The following PHAX variants were observed in gnomAD, a reference collection of about 807,000 sequenced individuals.
PHAX encodes the protein phosphorylated adapter RNA export protein.
Under a neutral mutation model 41.6 loss-of-function variants are expected in PHAX, and 31 were observed. That is an observed-to-expected ratio of 0.75 (90% CI 0.56 to 1.01). The LOEUF (loss-of-function observed/expected upper bound fraction) is 1.01, where lower values mean the gene tolerates loss of function less well. PHAX is among the 50% of genes least tolerant of loss of function. PHAX has a pLI of 0.00. For missense variants in PHAX, 453 were observed against 472.9 expected (o/e 0.96, Z 0.39); for synonymous variants, 175 against 164.9 (o/e 1.06, Z -0.47).
At chr5:126,613,571 G>T (rs1581419783) in intron 3 of PHAX, among the ~76,000 whole-genome samples, 1 of 152,076 alleles carries the variant, frequency 6.6e-6, no homozygotes, top group Non-Finnish European at 1.5e-5. Context: ...CCAGCTACTT[G>T]GGAGGCTAAG....
chr5:126,624,696 A>G lies in PHAX; in HGVS notation c.1037A>G (p.Asp346Gly), dbSNP rs141503919. 1.9e-4 allele frequency: 301 copies of G among 1,614,110 alleles called. No homozygotes were observed. Among genetic ancestry groups the G allele is most frequent in the Non-Finnish European group, 2.5e-4 (294 of 1,180,040 alleles). The change falls in exon 5 of 5, where the codon GAT becomes GGT. Residue 346 changes from aspartate to glycine, a missense_variant. By Grantham distance (94) the Asp-to-Gly change is moderately conservative. Coordinates refer to ENST00000297540, the MANE Select transcript of PHAX (RefSeq NM_032177.4). Reference protein sequence around the residue: ...QAIKSLNFQEDDDTSRETFAS... With the variant: ...QAIKSLNFQEGDDTSRETFAS... ...ATTAAAAGTCTAAATTTTCAAGAAG[A>G]TGATGATACATCACGAGAAACTTTT...
At chr5:126,613,524 A>G (rs965706973) in intron 3 of PHAX, among the ~76,000 whole-genome samples, 1 of 152,050 alleles carries the variant, frequency 6.6e-6, no homozygotes, top group African/African-American at 2.4e-5. Flanking sequence ...AAAAAAATAC[A>G]AAAATTAGCT....
chr5:126,606,394 G>A (rs1269713035), intron 2 of PHAX, among the ~76,000 whole-genome samples: 4 of 152,056 alleles, frequency 2.6e-5, no homozygotes, highest in East Asian at 3.9e-4. Flanking sequence ...ACAGGGTTTC[G>A]CCATGTTGGC....
intron 1 of PHAX, among the ~76,000 whole-genome samples, chr5:126,601,463 A>T (rs1345675569): frequency 2.0e-5 from 3 of 152,124 alleles, no homozygotes; most frequent in Non-Finnish European, 4.4e-5. Flanking sequence ...AGGTAACCAT[A>T]AAGGGGCAGA....
chr5:126,620,331 A>G (rs1012398554), intron 4 of PHAX, among the ~76,000 whole-genome samples: 5 of 152,238 alleles, frequency 3.3e-5, no homozygotes, highest in Admixed American at 1.3e-4. Flanking sequence ...GACAAAAAGT[A>G]TGTACTTAAA....
At chr5:126,605,290 T>C (rs1312130784) in intron 2 of PHAX, among the ~76,000 whole-genome samples, 5 of 152,062 alleles carry the variant, frequency 3.3e-5, no homozygotes, top group Middle Eastern at 3.2e-3. Context: ...ACTTCCCAGA[T>C]TGCTGGGATT....
chr5:126,620,806 C>T (rs994493709), intron 4 of PHAX, among the ~76,000 whole-genome samples: 8 of 151,632 alleles, frequency 5.3e-5, no homozygotes, highest in African/African-American at 1.9e-4. Flanking sequence ...TGGACGATCT[C>T]GGCTCACTGC....
chr5:126,618,688 A>G (rs1752224623), intron 4 of PHAX, among the ~76,000 whole-genome samples: 2 of 142,562 alleles, frequency 1.4e-5, no homozygotes, highest in South Asian at 4.3e-4. Flanking sequence ...TTTTTTTGAG[A>G]TGGAGTCTTG....
Position 126,605,690 on chromosome 5 carries a change from C to T in PHAX, c.710+1507C>T, listed in dbSNP as rs367612455. On this transcript the variant is annotated intron_variant, in intron 2 of 4. Transcript: ENST00000297540. ...GGGATTATAGGCGTGAGCTGCGCAC[C>T]CACTGTGTTTTCTTAAATTTGGACA... Among the ~76,000 whole-genome samples, 10 of 152,282 alleles carry T rather than the reference C, an allele frequency of 6.6e-5. No homozygotes were observed. The East Asian group carries it at 1.9e-3, about 29-fold the overall frequency.
chr5:126,608,636 C>T, intron 3 of PHAX, 152 bp downstream of exon 3: 1 of 641,304 alleles, frequency 1.6e-6, no homozygotes, highest in South Asian at 2.1e-5. Flanking sequence ...ACAATGAAGA[C>T]TGTTAAAAAA....
chr5:126,611,047 C>CGTTTGTTT (rs112686673), intron 3 of PHAX, among the ~76,000 whole-genome samples: 2 of 143,214 alleles, frequency 1.4e-5, no homozygotes, highest in Non-Finnish European at 3.0e-5. Flanking sequence ...TTTTTCTTTT[C>CGTTTGTTT]GTTTGTTTGT....
At chr5:126,624,430 A>G in intron 4 of PHAX, 145 bp from the exon 5 acceptor site, 1 of 698,668 alleles carries the variant, frequency 1.4e-6, no homozygotes, top group Non-Finnish European at 2.4e-6. Context: ...CTTACTTAAT[A>G]TCTTGAACTC....
chr5:126,601,410 T>C (rs1428790367), intron 1 of PHAX, among the ~76,000 whole-genome samples: 2 of 152,098 alleles, frequency 1.3e-5, no homozygotes, highest in Non-Finnish European at 2.9e-5. Context: ...CGCCTACCGC[T>C]CTTTCTTTTC....
chr5:126,609,461 A>T (rs1482481066), intron 3 of PHAX, among the ~76,000 whole-genome samples: 1 of 152,064 alleles, frequency 6.6e-6, no homozygotes, highest in Non-Finnish European at 1.5e-5. Flanking sequence ...GATCTTGAGA[A>T]TATGGGTTTT....
chr5:126,624,513 C>G (rs1752317305), intron 4 of PHAX, 62 bp from the exon 5 acceptor site: 9 of 1,260,850 alleles, frequency 7.1e-6, no homozygotes, highest in Non-Finnish European at 1.0e-5. Context: ...AAGGGACAGT[C>G]ATGGAATAAA....
intron 3 of PHAX, among the ~76,000 whole-genome samples, chr5:126,612,863 T>TA (rs1356198749): frequency 1.3e-5 from 2 of 152,126 alleles, no homozygotes; most frequent in African/African-American, 2.4e-5. Context: ...ATGTGGAAGA[T>TA]ACGGCCAACA....
chr5:126,626,047 A>G lies in PHAX; in HGVS notation c.*1203A>G, dbSNP rs1316555896. The G allele has an allele frequency of 6.6e-6, 1 of 152,162 alleles. No individual in the cohort carries two copies. The highest frequency in any genetic ancestry group is 1.5e-5 in the Non-Finnish European group (1 of 68,038). 9.4% of individuals were successfully genotyped at this position (152,162 alleles called of 1,614,324 possible). ...TTGACTTCTTAATTAACTTGGTCAT[A>G]TACTAAATGTGATCTCCTGTGGATT... On this transcript the variant is annotated 3_prime_UTR_variant, in exon 5 of 5. Transcript: ENST00000297540.
intron 1 of PHAX, among the ~76,000 whole-genome samples, 162 bp downstream of exon 1, chr5:126,601,220 C>T (rs1428369212): frequency 6.6e-6 from 1 of 152,002 alleles, no homozygotes; most frequent in East Asian, 1.9e-4. Context: ...GGCGAGCAGA[C>T]GTCCCCCAGG....
chr5:126,600,978 G>C lies in PHAX; in HGVS notation c.16G>C (p.Gly6Arg), dbSNP rs756683540. ...CCGCGGGAAGATGGCGTTGGAGGTC[G>C]GCGATATGGAAGATGGGCAGCTTTC... is the stretch of plus-strand genomic sequence containing the variant. MALEV[G>R]DMEDGQLSDS... Residue 6 changes from glycine (G) to arginine (R), a missense_variant, in exon 1 of 5, where the codon GGC (glycine) becomes CGC (arginine). Coordinates refer to ENST00000297540, the MANE Select transcript of PHAX (RefSeq NM_032177.4). 6 of 1,604,392 alleles carry C rather than the reference G, an allele frequency of 3.7e-6. No homozygotes were observed. Among genetic ancestry groups the C allele is most frequent in the Non-Finnish European group, 5.1e-6 (6 of 1,175,598 alleles).
Sources: gnomAD v4.1 joint callset for allele counts (sites outside exome capture counted in the v4.1 genomes callset) on GRCh38, gnomAD v4.1.1 for gene constraint, MANE v1.5 for transcripts, NCBI Gene and HGNC (gene_info 2026-07-23, HGNC 2026-07-21) for gene names.